Variants in TAPBPL observed in about 807,000 individuals in gnomAD.
TAPBPL encodes the protein tapasin-related protein.
TAPBPL carries 32 observed loss-of-function variants against 44.8 expected under a neutral mutation model. That is an observed-to-expected ratio of 0.71 (90% CI 0.54 to 0.96). TAPBPL has a LOEUF of 0.96. TAPBPL is among the 40% of genes least tolerant of loss of function. The pLI is 0.00. For synonymous variants in TAPBPL, 230 were observed against 240.7 expected, an observed-to-expected ratio of 0.96 and a Z score of 0.41; for missense variants, 520 against 586.6, an observed-to-expected ratio of 0.89 and a Z score of 1.17.
At chr12:6,458,550 A>G (rs1949760956) in intron 4 of TAPBPL, 95 bp from the exon 5 acceptor site, 6 of 1,461,140 alleles carry the variant, frequency 4.1e-6, no homozygotes, top group African/African-American at 1.4e-5. Flanking sequence ...AGCCTCCACA[A>G]TCTACTCTCA....
chr12:6,466,145 A>C, downstream of TAPBPL: 1 of 1,611,494 alleles, frequency 6.2e-7, no homozygotes, highest in East Asian at 2.2e-5. Context: ...CCTACGAAAA[A>C]AGGAGAAAAG....
chr12:6,459,716 T>A (rs922304403), intron 5 of TAPBPL, among the ~76,000 whole-genome samples: 1 of 149,920 alleles, frequency 6.7e-6, no homozygotes, highest in Non-Finnish European at 1.5e-5. Flanking sequence ...TAGCATGCTG[T>A]TGAAAGGTTT....
At chr12:6,465,827 G>C (rs147665374), downstream of TAPBPL, 1 of 1,613,412 alleles carries the variant, frequency 6.2e-7, no homozygotes, top group South Asian at 1.1e-5. Context: ...TGGAGGAGGG[G>C]ACAAGAAAAT....
intron 3 of TAPBPL, among the ~76,000 whole-genome samples, chr12:6,456,529 A>G (rs759201332): frequency 3.3e-5 from 5 of 151,758 alleles, no homozygotes; most frequent in Admixed American, 6.6e-5. Context: ...ACACCCAGCT[A>G]ATTTTTGTAT....
chr12:6,459,121 C>T (rs749676449), intron 5 of TAPBPL, among the ~76,000 whole-genome samples, 174 bp downstream of exon 5: 2 of 152,250 alleles, frequency 1.3e-5, no homozygotes, highest in Non-Finnish European at 2.9e-5. Flanking sequence ...ACAGCTTCTA[C>T]CACACATCCC....
At chr12:6,455,700 C>T (rs927366258) in intron 3 of TAPBPL, among the ~76,000 whole-genome samples, 1 of 151,780 alleles carries the variant, frequency 6.6e-6, no homozygotes, top group Non-Finnish European at 1.5e-5. Context: ...GAGACTGAGG[C>T]AGGAGGATTG....
At chr12:6,467,924 G>T (rs954694929), downstream of TAPBPL, among the ~76,000 whole-genome samples, 1 of 152,152 alleles carries the variant, frequency 6.6e-6, no homozygotes, top group Non-Finnish European at 1.5e-5. Flanking sequence ...TGCACAGAAG[G>T]CAAGAACTGA....
downstream of TAPBPL, among the ~76,000 whole-genome samples, chr12:6,467,526 T>G (rs1384476998): frequency 3.9e-5 from 6 of 152,158 alleles, no homozygotes; most frequent in East Asian, 1.9e-4. Context: ...TTGAGAGAGA[T>G]AATTTAGGGT....
At chr12:6,469,810 C>A (rs1565529268), downstream of TAPBPL, among the ~76,000 whole-genome samples, 1 of 152,170 alleles carries the variant, frequency 6.6e-6, no homozygotes, top group African/African-American at 2.4e-5. Flanking sequence ...GGAGACTAAA[C>A]TGTGTGTGTT....
chr12:6,466,338 G>C, downstream of TAPBPL: 1 of 1,613,670 alleles, frequency 6.2e-7, no homozygotes, highest in Non-Finnish European at 8.5e-7. Flanking sequence ...GCAGGTGGCT[G>C]AGCTGGAGCA....
downstream of TAPBPL, chr12:6,470,658 T>C: frequency 2.4e-6 from 3 of 1,275,992 alleles, no homozygotes; most frequent in East Asian, 2.5e-5. Flanking sequence ...CCCCGCGGTC[T>C]AGCTGCGCTG....
intron 5 of TAPBPL, among the ~76,000 whole-genome samples, chr12:6,459,669 C>G (rs776306987): frequency 1.3e-5 from 2 of 152,158 alleles, no homozygotes; most frequent in Non-Finnish European, 2.9e-5. Context: ...CCCTGTAGAT[C>G]TCACTGGGCC....
Position 6,457,732 on chromosome 12 carries a change from C to T in TAPBPL, c.892C>T (p.Leu298Phe). 1 of 1,584,896 alleles carries T rather than the reference C, an allele frequency of 6.3e-7. No homozygotes were observed. Among genetic ancestry groups the T allele is most frequent in the Non-Finnish European group, 8.6e-7 (1 of 1,159,714 alleles). The part of the protein sequence containing the change: ...SLYRAQQIIQ[L>F]NIQASPKVRL... ...GTACCGAGCTCAGCAGATCATCCAG[C>T]TCAACATCCAAGGTGAGGCCAGGAC... The change falls in exon 4 of 7, where the codon CTC (leucine) becomes TTC (phenylalanine). Residue 298 changes from leucine to phenylalanine, a missense_variant. Leu to Phe is a conservative substitution (Grantham distance 22, BLOSUM62 0). Coordinates refer to ENST00000266556, the MANE Select transcript of TAPBPL (RefSeq NM_018009.5).
At chr12:6,463,743 T>G (rs1182788172), downstream of TAPBPL, 17 of 1,156,182 alleles carry the variant, frequency 1.5e-5, no homozygotes, top group Non-Finnish European at 1.8e-5. This position sits in a 1 kb window ranked among gnomAD's most constrained non-coding sequence, Gnocchi z 4.0. Flanking sequence ...AAGAGAAAGC[T>G]CCTTCCAGCT....
At chr12:6,465,325 C>A, downstream of TAPBPL, 1 of 321,818 alleles carries the variant, frequency 3.1e-6, no homozygotes, top group Non-Finnish European at 5.9e-6. Flanking sequence ...ATATTTCAAT[C>A]TGAGAAAGCT....
Position 6,457,585 on chromosome 12 carries a change from G to A in TAPBPL, c.745G>A (p.Val249Met), listed in dbSNP as rs1157954260. 5 of 1,614,224 alleles carry A rather than the reference G, an allele frequency of 3.1e-6. No homozygotes were observed. The East Asian group carries it at 6.7e-5, about 22-fold the overall frequency. ...YSWTAGQGQAVRKGATLEPAQ... is the reference protein window; with the variant it reads ...YSWTAGQGQAMRKGATLEPAQ... The stretch of plus-strand genomic sequence containing the variant: ...CTGGACCGCAGGGCAGGGGCAGGCT[G>A]TGCGGAAGGGCGCTACCCTGGAGCC... Residue 249 changes from valine (V) to methionine (M), a missense_variant, in exon 4 of 7, where the codon GTG becomes ATG. Transcript: ENST00000266556.
At chr12:6,462,700 G>T, downstream of TAPBPL, 1 of 978,276 alleles carries the variant, frequency 1.0e-6, no homozygotes, top group Non-Finnish European at 1.5e-6. Context: ...CTCCAGGCTT[G>T]GGACACATCG....
chr12:6,466,484 G>T, downstream of TAPBPL: 1 of 918,098 alleles, frequency 1.1e-6, no homozygotes, highest in Non-Finnish European at 1.6e-6. Flanking sequence ...GGAGTTCGAG[G>T]CCAGCCTGGG....
At chr12:6,465,039 C>A, downstream of TAPBPL, 1 of 1,560,766 alleles carries the variant, frequency 6.4e-7, no homozygotes, top group Non-Finnish European at 8.7e-7. Context: ...ATCCTTGGGA[C>A]AATGGAAAAA....
Sources: allele counts gnomAD v4.1 joint callset (sites outside exome capture counted in the v4.1 genomes callset), GRCh38; gene constraint gnomAD v4.1.1; non-coding constraint Gnocchi (gnomAD v3.1); transcripts MANE v1.5; gene names NCBI Gene and HGNC (gene_info 2026-07-23, HGNC 2026-07-21).